FGF13: variants seen among roughly 807,000 people sequenced by gnomAD.
FGF13 encodes the protein fibroblast growth factor homologous factor 2.
Under a neutral mutation model 19.5 loss-of-function variants are expected in FGF13, and 2 were observed. That is an observed-to-expected ratio of 0.10 (90% CI 0.04 to 0.32). FGF13 has a LOEUF of 0.32. FGF13 is among the 10% of genes least tolerant of loss of function. The probability of loss-of-function intolerance (pLI) is 1.00; values close to 1 mark genes in which losing one functional copy is unlikely to be tolerated. For missense variants in FGF13, 113 were observed against 192.7 expected, an observed-to-expected ratio of 0.59 and a Z score of 2.45; for synonymous variants, 72 against 76.9, an observed-to-expected ratio of 0.94 and a Z score of 0.33.
intron 1 of FGF13, among the ~76,000 whole-genome samples, chrX:139,175,434 C>T (rs1161755367): frequency 8.9e-6 from 1 of 111,769 alleles, no homozygotes; most frequent in Non-Finnish European, 1.9e-5. Flanking sequence ...ACTTCCAATA[C>T]AATGTTGAAT....
At chrX:138,816,562 G>A (rs2090962973) in intron 3 of FGF13, among the ~76,000 whole-genome samples, 1 of 112,391 alleles carries the variant, frequency 8.9e-6, no homozygotes, top group Non-Finnish European at 1.9e-5. Context: ...GGAAACTGAT[G>A]TACTATAGAG....
chrX:138,941,212 G>C (rs1054610784), intron 1 of FGF13, among the ~76,000 whole-genome samples: 1 of 111,480 alleles, frequency 9.0e-6, no homozygotes, highest in Admixed American at 9.6e-5. Context: ...TCCGGCCAGA[G>C]CAATCAGGGA....
chrX:138,615,825 T>C lies in FGF13; in HGVS notation c.*17025A>G, dbSNP rs1245499538. ...GGAGGCCTCAGGAGACTTACAATCA[T>C]GGTGGAAGGCCCCTCTTCACAGGGT... On this transcript the variant is annotated 3_prime_UTR_variant, in exon 5 of 5. Transcript: ENST00000315930. 1 of 111,740 alleles carries C rather than the reference T, an allele frequency of 8.9e-6. No homozygotes were observed. The highest frequency in any genetic ancestry group is 2.8e-4 in the East Asian group (1 of 3,531). 9.2% of individuals were successfully genotyped at this position (111,740 alleles called of 1,213,427 possible). A position where few individuals can be genotyped will look rare whatever the true frequency, so the allele number is the denominator to read the frequency against.
chrX:139,129,154 TACACAC>T (rs753541740), intron 1 of FGF13, among the ~76,000 whole-genome samples: 16,440 of 92,804 alleles, frequency 0.18, 1,122 homozygotes, highest in Middle Eastern at 0.24. Flanking sequence ...CATACACACA[TACACAC>T]ACACACACAC....
At chrX:139,198,047 G>A (rs966942790) in intron 1 of FGF13, among the ~76,000 whole-genome samples, 1 of 107,115 alleles carries the variant, frequency 9.3e-6, no homozygotes, top group East Asian at 2.9e-4. Context: ...CTTTAGGTGA[G>A]GGGAATGACT....
At chrX:138,902,180 T>A (rs1202602645) in intron 1 of FGF13, among the ~76,000 whole-genome samples, 1 of 112,437 alleles carries the variant, frequency 8.9e-6, no homozygotes, top group African/African-American at 3.2e-5. Context: ...TGCAGAAATC[T>A]ATTTTCCGGT....
chrX:139,189,949 T>C (rs1184929359), intron 1 of FGF13, among the ~76,000 whole-genome samples: 1 of 112,150 alleles, frequency 8.9e-6, no homozygotes, highest in Non-Finnish European at 1.9e-5. Context: ...GAAAACATGA[T>C]TGGGGTACAC....
intron 1 of FGF13, among the ~76,000 whole-genome samples, chrX:138,868,189 C>T (rs1288137624): frequency 8.9e-6 from 1 of 111,791 alleles, no homozygotes; most frequent in Admixed American, 9.5e-5. Flanking sequence ...GTCCCAGGAA[C>T]TGAATTATCT....
chrX:138,673,187 T>C (rs1015587950), intron 3 of FGF13, among the ~76,000 whole-genome samples: 1 of 111,323 alleles, frequency 9.0e-6, no homozygotes, highest in African/African-American at 3.3e-5. Flanking sequence ...AATGGAATGG[T>C]AGCTGGTAAG....
At chrX:138,886,130 G>C (rs1267786341) in intron 1 of FGF13, among the ~76,000 whole-genome samples, 1 of 111,702 alleles carries the variant, frequency 9.0e-6, no homozygotes, top group Non-Finnish European at 1.9e-5. Context: ...GGTCATGAGG[G>C]ACAAGGCACT....
chrX:138,817,756 C>A (rs1449667754), intron 3 of FGF13, among the ~76,000 whole-genome samples: 1 of 111,915 alleles, frequency 8.9e-6, no homozygotes, highest in Non-Finnish European at 1.9e-5. Context: ...TCCAGTTTCC[C>A]ACTTAGGTCA....
chrX:138,960,989 G>A (rs1359523976), intron 1 of FGF13, among the ~76,000 whole-genome samples: 1 of 111,208 alleles, frequency 9.0e-6, no homozygotes, highest in South Asian at 3.9e-4. Context: ...TGTTATTACC[G>A]ATCTTCTGAA....
chrX:138,653,925 A>G (rs1051335788), intron 3 of FGF13, among the ~76,000 whole-genome samples: 1 of 112,128 alleles, frequency 8.9e-6, no homozygotes, highest in Non-Finnish European at 1.9e-5. Context: ...GCCTTTAAAA[A>G]AATCTGAACT....
intron 1 of FGF13, among the ~76,000 whole-genome samples, chrX:138,987,914 A>G (rs1016907184): frequency 8.9e-6 from 1 of 112,177 alleles, no homozygotes; most frequent in Non-Finnish European, 1.9e-5. Context: ...AACCTACAAT[A>G]CCTTGGAGGA....
intron 1 of FGF13, among the ~76,000 whole-genome samples, chrX:138,934,302 C>T (rs1011502887): frequency 1.4e-4 from 16 of 111,685 alleles, no homozygotes; most frequent in African/African-American, 4.9e-4. Flanking sequence ...GTGGAGGAAG[C>T]GGACCCATAA....
intron 3 of FGF13, among the ~76,000 whole-genome samples, chrX:138,849,231 G>A (rs1297059241): frequency 9.0e-6 from 1 of 111,477 alleles, no homozygotes; most frequent in Non-Finnish European, 1.9e-5. Flanking sequence ...AACTGCCTAA[G>A]GTAGACAGCT....
chrX:138,892,667 A>G (rs1166668554), intron 1 of FGF13, among the ~76,000 whole-genome samples: 1 of 110,617 alleles, frequency 9.0e-6, no homozygotes, highest in African/African-American at 3.3e-5. Context: ...GTGACCAGGG[A>G]TCAGGCTGCC....
chrX:138,784,066 C>CA (rs1321340906), intron 3 of FGF13, among the ~76,000 whole-genome samples: 1 of 97,295 alleles, frequency 1.0e-5, no homozygotes, highest in South Asian at 5.6e-4. Flanking sequence ...ATCGCAAGAA[C>CA]AAAAAACCAA....
intron 3 of FGF13, among the ~76,000 whole-genome samples, chrX:138,682,944 T>C (rs752624103): frequency 5.6e-4 from 63 of 111,845 alleles, no homozygotes; most frequent in African/African-American, 1.3e-3. Flanking sequence ...ATCCAAGCTC[T>C]GGTGATCTGA....
Sources: gnomAD v4.1 joint callset for allele counts (sites outside exome capture counted in the v4.1 genomes callset) on GRCh38, gnomAD v4.1.1 for gene constraint, MANE v1.5 for transcripts, NCBI Gene and HGNC (gene_info 2026-07-23, HGNC 2026-07-21) for gene names.